GADL1: variants seen among roughly 807,000 people sequenced by gnomAD.
The protein encoded by GADL1 is GAD like acidic amino acid decarboxylase 1, also known as acidic amino acid decarboxylase GADL1.
A neutral mutation model predicts 69.5 loss-of-function variants in GADL1; 71 were observed. The observed-to-expected ratio is 1.02, with a 90% confidence interval of 0.84 to 1.25. The LOEUF (loss-of-function observed/expected upper bound fraction) is 1.25. Ranked by LOEUF, GADL1 falls within the 50% of genes most tolerant of loss-of-function variation. The pLI is 0.00. For missense variants in GADL1, 737 were observed against 631.8 expected, an observed-to-expected ratio of 1.17 and a Z score of -1.79; for synonymous variants, 254 against 214.4, an observed-to-expected ratio of 1.18 and a Z score of -1.62.
chr3:30,739,810 T>C (rs1224849800), intron 14 of GADL1, among the ~76,000 whole-genome samples: 2 of 152,170 alleles, frequency 1.3e-5, no homozygotes. Flanking sequence ...AAATGTTAAG[T>C]ATGAGGTGTT....
At chr3:30,797,016 C>A (rs953228996) in intron 12 of GADL1, among the ~76,000 whole-genome samples, 1 of 152,202 alleles carries the variant, frequency 6.6e-6, no homozygotes, top group African/African-American at 2.4e-5. Context: ...CACCTCCTCA[C>A]ATTGGGTTTA....
chr3:30,786,555 A>C, intron 12 of GADL1, 149 bp from the exon 13 acceptor site: 1 of 611,180 alleles, frequency 1.6e-6, no homozygotes, highest in East Asian at 2.8e-5. Context: ...TGGATAGATA[A>C]ATACTCCAGA....
At chr3:30,755,616 T>C (rs1044415756) in intron 14 of GADL1, among the ~76,000 whole-genome samples, 4 of 152,198 alleles carry the variant, frequency 2.6e-5, no homozygotes, top group South Asian at 2.1e-4. Flanking sequence ...GTAGAAAATA[T>C]ATACTAGCCT....
intron 11 of GADL1, among the ~76,000 whole-genome samples, chr3:30,814,868 G>A (rs989851009): frequency 4.6e-4 from 70 of 152,076 alleles, no homozygotes; most frequent in East Asian, 2.7e-3. Flanking sequence ...GAAGACTGAG[G>A]CAGGAGAATC....
intron 6 of GADL1, among the ~76,000 whole-genome samples, chr3:30,846,991 GT>G (rs1325087644): frequency 6.6e-6 from 1 of 152,144 alleles, no homozygotes; most frequent in East Asian, 1.9e-4. Flanking sequence ...GGAGGTAAGG[GT>G]TTCTTTTTAC....
chr3:30,845,289 C>T (rs905420088), intron 6 of GADL1, among the ~76,000 whole-genome samples: 6 of 152,122 alleles, frequency 3.9e-5, no homozygotes, highest in African/African-American at 7.2e-5. Flanking sequence ...CTACATGAAG[C>T]CCATAAAATA....
chr3:30,761,325 T>C (rs1374494358), intron 14 of GADL1, among the ~76,000 whole-genome samples: 1 of 152,146 alleles, frequency 6.6e-6, no homozygotes, highest in African/African-American at 2.4e-5. Context: ...ATTGACTCAA[T>C]ATTGGTGAAT....
chr3:30,860,452 C>A (rs529807652), intron 2 of GADL1, among the ~76,000 whole-genome samples: 39 of 151,936 alleles, frequency 2.6e-4, no homozygotes, highest in Non-Finnish European at 5.4e-4. Context: ...AAAGCAGATC[C>A]AAAGTATTTC....
At chr3:30,789,983 C>T (rs920183108) in intron 12 of GADL1, among the ~76,000 whole-genome samples, 1 of 152,206 alleles carries the variant, frequency 6.6e-6, no homozygotes, top group African/African-American at 2.4e-5. Context: ...AGTAGAACCT[C>T]TAATTTCCCT....
chr3:30,730,010 G>A (rs764464818), intron 14 of GADL1, among the ~76,000 whole-genome samples: 3 of 152,134 alleles, frequency 2.0e-5, no homozygotes, highest in Non-Finnish European at 2.9e-5. Context: ...AGTGAAAAAA[G>A]CATGGGCCAT....
chr3:30,877,884 CA>C (rs2125543718), intron 1 of GADL1, among the ~76,000 whole-genome samples: 1 of 152,018 alleles, frequency 6.6e-6, no homozygotes, highest in East Asian at 1.9e-4. Context: ...TTGCTGTCAT[CA>C]AGTAATTTAG....
chr3:30,777,818 A>AT lies in GADL1; in HGVS notation c.1392+360dup, dbSNP rs376613954. On this transcript the variant is annotated intron_variant, in intron 14 of 14. Transcript: ENST00000282538. ...GTATCAGATTTAGACTTCTAACATT[A>AT]TTTCCAAGTAAGGTGGTACAACAGT... 5.6e-4 allele frequency among the ~76,000 whole-genome samples: 85 copies of AT among 152,328 alleles called. 1 individual carries two copies. The highest frequency in any genetic ancestry group is 2.0e-3 in the African/African-American group (82 of 41,576).
intron 2 of GADL1, among the ~76,000 whole-genome samples, chr3:30,859,945 T>C (rs1286050764): frequency 1.3e-5 from 2 of 151,956 alleles, no homozygotes; most frequent in African/African-American, 4.8e-5. Context: ...ATCTTCCGTT[T>C]CTCATCTTAT....
intron 1 of GADL1, among the ~76,000 whole-genome samples, chr3:30,877,719 A>T (rs1698596253): frequency 6.6e-6 from 1 of 151,964 alleles, no homozygotes; most frequent in Admixed American, 6.6e-5. Flanking sequence ...TAGTCTTATC[A>T]GCTAACAACA....
chr3:30,889,951 C>A (rs763533899), intron 1 of GADL1, among the ~76,000 whole-genome samples: 4 of 152,112 alleles, frequency 2.6e-5, no homozygotes, highest in African/African-American at 2.4e-5. Context: ...GAGACAACAC[C>A]TATTCTTTGC....
At chr3:30,800,846 CACACA>C in intron 12 of GADL1, 38 bp downstream of exon 12, 2 of 1,167,614 alleles carry the variant, frequency 1.7e-6, no homozygotes, top group Non-Finnish European at 2.4e-6. Flanking sequence ...CACACACACA[CACACA>C]GAAAGAGAGA....
At chr3:30,858,770 A>G (rs1698269929) in intron 2 of GADL1, among the ~76,000 whole-genome samples, 1 of 151,980 alleles carries the variant, frequency 6.6e-6, no homozygotes, top group South Asian at 2.1e-4. Context: ...AGACACTATG[A>G]TAATGTAACA....
At chr3:30,765,336 G>GT (rs758874610) in intron 14 of GADL1, among the ~76,000 whole-genome samples, 4 of 152,158 alleles carry the variant, frequency 2.6e-5, no homozygotes, top group Non-Finnish European at 5.9e-5. Context: ...AGGATGAGTA[G>GT]TCATATTCTG....
chr3:30,787,046 G>C (rs1696808570), intron 12 of GADL1, among the ~76,000 whole-genome samples: 1 of 152,162 alleles, frequency 6.6e-6, no homozygotes, highest in Admixed American at 6.5e-5. Context: ...GGGCCTGTCA[G>C]GGGAGGATGA....
Sources: gnomAD v4.1 joint callset for allele counts (sites outside exome capture counted in the v4.1 genomes callset) on GRCh38, gnomAD v4.1.1 for gene constraint, MANE v1.5 for transcripts, NCBI Gene and HGNC (gene_info 2026-07-23, HGNC 2026-07-21) for gene names.